ACSS3: variants seen among roughly 807,000 people sequenced by gnomAD.
The protein encoded by ACSS3 is acyl-CoA synthetase short chain family member 3.
In ACSS3, 64 loss-of-function variants were observed where a neutral mutation model predicts 84.2. The ratio of observed to expected loss-of-function variants is 0.76; its 90% confidence interval spans 0.62 to 0.94. ACSS3 has a LOEUF of 0.94. Among genes scored for constraint, ACSS3 ranks in the 40% least tolerant of loss-of-function variants. The pLI, the probability that ACSS3 is intolerant of heterozygous loss-of-function variation, is 0.00. For synonymous variants in ACSS3, 317 were observed against 310.1 expected (o/e 1.02, Z -0.23); for missense variants, 815 against 867.6 (o/e 0.94, Z 0.76).
chr12:81,117,357 TA>T (rs1884131416), intron 2 of ACSS3, among the ~76,000 whole-genome samples: 1 of 152,182 alleles, frequency 6.6e-6, no homozygotes, highest in Non-Finnish European at 1.5e-5. Flanking sequence ...AAATTAGGTA[TA>T]AGTGAAGAAC....
At chr12:81,233,051 A>T (rs1453749293) in intron 12 of ACSS3, among the ~76,000 whole-genome samples, 1 of 151,700 alleles carries the variant, frequency 6.6e-6, no homozygotes, top group African/African-American at 2.4e-5. Context: ...TAGAATTAGT[A>T]TTGAGCTATT....
intron 1 of ACSS3, among the ~76,000 whole-genome samples, chr12:81,104,161 G>A (rs1279188417): frequency 1.3e-5 from 2 of 152,078 alleles, no homozygotes; most frequent in Admixed American, 6.5e-5. Context: ...AGGAAATTTG[G>A]GGATGTGAGG....
chr12:81,174,961 C>T (rs1593160227), intron 8 of ACSS3, 22 bp downstream of exon 8: 1 of 1,607,256 alleles, frequency 6.2e-7, no homozygotes, highest in Middle Eastern at 1.7e-4. Flanking sequence ...ATGCACAGGG[C>T]AAATGACATT....
At chr12:81,249,564 T>C (rs542395674) in intron 13 of ACSS3, among the ~76,000 whole-genome samples, 2 of 152,202 alleles carry the variant, frequency 1.3e-5, no homozygotes, top group African/African-American at 2.4e-5. Flanking sequence ...TTCTTCAACA[T>C]TGAATATATT....
chr12:81,101,853 C>G (rs1180869881), intron 1 of ACSS3, among the ~76,000 whole-genome samples: 1 of 151,600 alleles, frequency 6.6e-6, no homozygotes, highest in Non-Finnish European at 1.5e-5. Flanking sequence ...TTTATACTTA[C>G]TGGTCATTTT....
rs1187124818 is a variant in ACSS3, at chr12:81,253,509, G to A, written c.1834G>A (p.Glu612Lys). ...CVLRKDINAT[E>K]EQVLEEIVKH... ...TTTCTCTCTAGATATAAATGCAACA[G>A]AGGAGCAAGTTTTGGAAGAAATTGT... The change falls in exon 15 of 16, where the codon GAG (glutamate) becomes AAG (lysine). Residue 612 changes from glutamate (E) to lysine (K), a missense_variant. By Grantham distance (56) the Glu-to-Lys change is moderately conservative. Transcript: ENST00000548058. The A allele has an allele frequency of 5.0e-6, 8 of 1,613,688 alleles. No individual in the cohort carries two copies. The highest frequency in any genetic ancestry group is 6.8e-6 in the Non-Finnish European group (8 of 1,179,822).
chr12:81,176,519 A>G (rs560083773), intron 8 of ACSS3, among the ~76,000 whole-genome samples: 1,634 of 152,240 alleles, frequency 0.011, 18 homozygotes, highest in Non-Finnish European at 0.017. Flanking sequence ...GGTTGCAGTG[A>G]GCCAAGATCA....
chr12:81,190,079 A>G (rs1389472580), intron 8 of ACSS3, among the ~76,000 whole-genome samples: 1 of 152,162 alleles, frequency 6.6e-6, no homozygotes, highest in Admixed American at 6.5e-5. Context: ...ATAGATTTAT[A>G]ACAGATCTTT....
intron 13 of ACSS3, among the ~76,000 whole-genome samples, chr12:81,241,463 G>A (rs1320654943): frequency 2.6e-5 from 4 of 152,252 alleles, no homozygotes; most frequent in Admixed American, 6.5e-5. Flanking sequence ...CAGTGTAAAA[G>A]TGTTCCTATT....
At chr12:81,086,735 T>C (rs553093528) in intron 1 of ACSS3, among the ~76,000 whole-genome samples, 6 of 152,038 alleles carry the variant, frequency 3.9e-5, no homozygotes, top group African/African-American at 1.4e-4. Flanking sequence ...TTCTTTTTAT[T>C]TTTTTTTATT....
chr12:81,154,747 C>G (rs1886779940), intron 7 of ACSS3, among the ~76,000 whole-genome samples: 1 of 152,288 alleles, frequency 6.6e-6, no homozygotes, highest in East Asian at 1.9e-4. Flanking sequence ...GTCAAAGGGC[C>G]TTGTTTAATC....
chr12:81,176,084 A>C (rs557845644), intron 8 of ACSS3, among the ~76,000 whole-genome samples: 2 of 152,310 alleles, frequency 1.3e-5, no homozygotes, highest in East Asian at 3.9e-4. Context: ...TAAAGAATAA[A>C]AATCTTGATA....
At chr12:81,125,107 G>T (rs866414130) in intron 2 of ACSS3, among the ~76,000 whole-genome samples, 1 of 152,136 alleles carries the variant, frequency 6.6e-6, no homozygotes, top group Non-Finnish European at 1.5e-5. Flanking sequence ...CCAGCTACTC[G>T]GGAGGCTGAG....
rs189310233 is a variant in ACSS3, at chr12:81,083,833, G to T, written c.311+5402G>T. 3.5e-4 allele frequency among the ~76,000 whole-genome samples: 53 copies of T among 152,206 alleles called. No individual in the cohort carries two copies. In the East Asian group the frequency reaches 7.2e-3, roughly 21 times the overall value. On this transcript the variant is annotated intron_variant, in intron 1 of 15. Coordinates refer to ENST00000548058, the MANE Select transcript of ACSS3 (RefSeq NM_024560.4). ...AAAAATACAAAAATTAGCTGGATGTGGTGGCACACACCGGTAATCCTAGCT... is the reference window on the plus strand; with the variant it reads ...AAAAATACAAAAATTAGCTGGATGTTGTGGCACACACCGGTAATCCTAGCT...
In ACSS3 at chr12:81,230,413, G is replaced by A. The variant is rs138428260; in HGVS notation, c.1515-644G>A. Among the ~76,000 whole-genome samples the A allele has an allele frequency of 5.7e-3, 860 of 151,954 alleles. 9 individuals are homozygous for A. The highest frequency in any genetic ancestry group is 0.019 in the African/African-American group (800 of 41,484). ...CACCTGTTTGACCCTATAAATGAAA[G>A]AAGTATAAGGAGGAAATTTGCTGAA... On this transcript the variant is annotated intron_variant, in intron 11 of 15. Coordinates refer to ENST00000548058, the MANE Select transcript of ACSS3 (RefSeq NM_024560.4).
At chr12:81,092,464 A>G (rs1347084651) in intron 1 of ACSS3, among the ~76,000 whole-genome samples, 1 of 152,134 alleles carries the variant, frequency 6.6e-6, no homozygotes. Context: ...AATCAGTTCT[A>G]CTCTGAATTG....
chr12:81,216,182 C>A (rs2032906755), intron 9 of ACSS3, among the ~76,000 whole-genome samples: 1 of 149,336 alleles, frequency 6.7e-6, no homozygotes, highest in African/African-American at 2.5e-5. Context: ...TGTGTGTAAT[C>A]TTTTTTTATT....
chr12:81,099,648 A>G (rs1882345502), intron 1 of ACSS3, among the ~76,000 whole-genome samples: 1 of 152,242 alleles, frequency 6.6e-6, no homozygotes, highest in Non-Finnish European at 1.5e-5. Flanking sequence ...GTAGCTCAGT[A>G]ACCAAATTTG....
chr12:81,234,804 T>C (rs954316065), intron 13 of ACSS3, among the ~76,000 whole-genome samples: 5 of 151,402 alleles, frequency 3.3e-5, no homozygotes, highest in African/African-American at 1.2e-4. Flanking sequence ...TACAAGTCCT[T>C]TATCTGATAT....
Sources: gnomAD v4.1 joint callset for allele counts (sites outside exome capture counted in the v4.1 genomes callset) on GRCh38, gnomAD v4.1.1 for gene constraint, MANE v1.5 for transcripts, NCBI Gene and HGNC (gene_info 2026-07-23, HGNC 2026-07-21) for gene names.